NTN1: variants seen among roughly 807,000 people sequenced by gnomAD.
NTN1 encodes the protein netrin 1.
NTN1 carries 11 observed loss-of-function variants against 54.2 expected under a neutral mutation model. That is an observed-to-expected ratio of 0.20 (90% CI 0.13 to 0.34). NTN1 has a LOEUF of 0.34. Ranked by LOEUF, NTN1 falls within the 10% of genes least tolerant of loss-of-function variation. The pLI is 1.00. For synonymous variants in NTN1, 371 were observed against 382.0 expected (o/e 0.97, Z 0.33); for missense variants, 740 against 893.1 (o/e 0.83, Z 2.18).
At chr17:9,030,243 AAAGG>A (rs1238512726) in intron 2 of NTN1, among the ~76,000 whole-genome samples, 5 of 152,264 alleles carry the variant, frequency 3.3e-5, no homozygotes, top group Non-Finnish European at 5.9e-5. Flanking sequence ...CTCAGAGCAC[AAAGG>A]AAGATACTCT....
At chr17:9,160,904 C>T (rs935437464) in intron 2 of NTN1, among the ~76,000 whole-genome samples, 1 of 152,054 alleles carries the variant, frequency 6.6e-6, no homozygotes, top group African/African-American at 2.4e-5. Flanking sequence ...TCTCAGTGAG[C>T]CAAGATCTGT....
At chr17:9,223,200 T>C (rs1202891808) in intron 6 of NTN1, among the ~76,000 whole-genome samples, 3 of 152,222 alleles carry the variant, frequency 2.0e-5, no homozygotes, top group Non-Finnish European at 2.9e-5. Flanking sequence ...TTGCAATTAC[T>C]TTAAGATAAA....
intron 3 of NTN1, among the ~76,000 whole-genome samples, chr17:9,169,563 A>G (rs1349453133): frequency 6.6e-6 from 1 of 152,210 alleles, no homozygotes; most frequent in Non-Finnish European, 1.5e-5. Flanking sequence ...CAAATGCCAC[A>G]TAGAAATTCC....
intron 5 of NTN1, among the ~76,000 whole-genome samples, chr17:9,204,874 C>G (rs17675100): frequency 0.18 from 27,534 of 151,430 alleles, 3,071 homozygotes; most frequent in Non-Finnish European, 0.26. Context: ...GTAGAGTAAC[C>G]GGTGGTCTGT....
chr17:9,163,853 G>T (rs2142300457), intron 3 of NTN1, among the ~76,000 whole-genome samples: 1 of 152,284 alleles, frequency 6.6e-6, no homozygotes, highest in African/African-American at 2.4e-5. Flanking sequence ...TGCAAAACTT[G>T]TGGCCTAAGG....
intron 2 of NTN1, among the ~76,000 whole-genome samples, chr17:9,109,159 GGCACAGT>G (rs1567712570): frequency 6.6e-6 from 1 of 152,220 alleles, no homozygotes; most frequent in East Asian, 1.9e-4. Context: ...ACAGGCGTGA[GGCACAGT>G]GCCTGGCCTG....
chr17:9,235,467 C>T (rs1025050492), intron 6 of NTN1, among the ~76,000 whole-genome samples: 4 of 89,038 alleles, frequency 4.5e-5, no homozygotes, highest in African/African-American at 8.5e-5. Context: ...TGCTAAGGGC[C>T]GAGGCTAATT....
intron 2 of NTN1, among the ~76,000 whole-genome samples, chr17:9,129,386 T>C (rs1212472707): frequency 6.6e-6 from 1 of 152,118 alleles, no homozygotes; most frequent in Non-Finnish European, 1.5e-5. Context: ...AGCTGCTGAA[T>C]TGTGAGTCTT....
upstream of NTN1, among the ~76,000 whole-genome samples, chr17:9,019,879 C>A (rs1173660652): frequency 2.6e-5 from 4 of 152,168 alleles, no homozygotes; most frequent in South Asian, 2.1e-4. Flanking sequence ...ACCTGAAATC[C>A]TTTCTGCCAC....
At chr17:9,124,730 C>G (rs191681459) in intron 2 of NTN1, among the ~76,000 whole-genome samples, 13 of 152,310 alleles carry the variant, frequency 8.5e-5, no homozygotes, top group African/African-American at 2.4e-4. Flanking sequence ...TTTTGCAGTG[C>G]TTGTCCTTGC....
intron 2 of NTN1, among the ~76,000 whole-genome samples, chr17:9,129,604 C>T (rs1216113156): frequency 6.6e-6 from 1 of 152,220 alleles, no homozygotes; most frequent in Non-Finnish European, 1.5e-5. Flanking sequence ...CCCCCAAAAG[C>T]ATGTCACCCT....
At chr17:9,185,587 G>C (rs969178632) in intron 5 of NTN1, among the ~76,000 whole-genome samples, 1 of 151,846 alleles carries the variant, frequency 6.6e-6, no homozygotes, top group South Asian at 2.1e-4. Flanking sequence ...CGTAGTGTCT[G>C]TGGGGGTCTG....
chr17:9,162,675 C>T (rs2092360666), intron 2 of NTN1, 138 bp from the exon 3 acceptor site: 1 of 782,366 alleles, frequency 1.3e-6, no homozygotes, highest in Non-Finnish European at 2.1e-6. Context: ...AGGAGGAGCT[C>T]CTGGAGCACA....
rs1296656698 is a variant in NTN1, at chr17:9,172,092, TAGTC to T, written c.1208-7712_1208-7709del. ...TAGTAGAAATGCAGTTTCACCATGT[TAGTC>T]AGGCTGGTCTCGAACTCCCAACCTC... On this transcript the variant is annotated intron_variant, in intron 3 of 6. Transcript: ENST00000173229. Among the ~76,000 whole-genome samples the T allele has an allele frequency of 7.2e-5, 11 of 152,106 alleles. No homozygotes were observed. In the East Asian group the frequency reaches 2.2e-3, roughly 30 times the overall value.
At chr17:9,046,043 T>A (rs1001660468) in intron 2 of NTN1, among the ~76,000 whole-genome samples, 1 of 152,124 alleles carries the variant, frequency 6.6e-6, no homozygotes, top group African/African-American at 2.4e-5. Flanking sequence ...AGAAAAAACA[T>A]AAATTGGACT....
chr17:9,183,359 T>G (rs16957998), intron 5 of NTN1: 186,171 of 501,556 alleles, frequency 0.37, 36,403 homozygotes, highest in Middle Eastern at 0.49. Flanking sequence ...GGGCACAGGG[T>G]CGCACAAGCA....
At chr17:9,061,061 A>G (rs1010450523) in intron 2 of NTN1, among the ~76,000 whole-genome samples, 5 of 152,004 alleles carry the variant, frequency 3.3e-5, no homozygotes, top group African/African-American at 1.2e-4. Context: ...ACTCAACCAC[A>G]GTGACCTTGG....
intron 2 of NTN1, among the ~76,000 whole-genome samples, chr17:9,060,158 C>T (rs1046445981): frequency 6.6e-6 from 1 of 152,148 alleles, no homozygotes; most frequent in Non-Finnish European, 1.5e-5. Context: ...TCTTCCTCCT[C>T]TGCTACCCCA....
In NTN1 at chr17:9,221,039, G is replaced by C. The variant is rs925890899; in HGVS notation, c.1412-129G>C. 6 of 751,624 alleles carry C rather than the reference G, an allele frequency of 8.0e-6. No individual in the cohort carries two copies. Among genetic ancestry groups the C allele is most frequent in the African/African-American group, 3.5e-5 (2 of 57,678 alleles). 46.6% of individuals were successfully genotyped at this position (751,624 alleles called of 1,614,324 possible). A position where few individuals can be genotyped will look rare whatever the true frequency, so the allele number is the denominator to read the frequency against. On this transcript the variant is annotated intron_variant, in intron 5 of 6. Transcript: ENST00000173229. This position sits in a 1 kb window ranked among gnomAD's most constrained non-coding sequence, Gnocchi z 4.5. ...GCCTTTCCTGAATGGCCGCCTGCCC[G>C]CCCGGCCTGGCCCATGGGTATCACA...
Sources: gnomAD v4.1 joint callset for allele counts (sites outside exome capture counted in the v4.1 genomes callset) on GRCh38, gnomAD v4.1.1 for gene constraint, Gnocchi (gnomAD v3.1) non-coding constraint, MANE v1.5 for transcripts, NCBI Gene and HGNC (gene_info 2026-07-23, HGNC 2026-07-21) for gene names.